Variants in ZFP37 observed in about 807,000 individuals in gnomAD.
The protein encoded by ZFP37 is ZFP37 zinc finger protein.
ZFP37 carries 38 observed loss-of-function variants against 52.1 expected under a neutral mutation model. That is an observed-to-expected ratio of 0.73 (90% CI 0.56 to 0.96). ZFP37 has a LOEUF of 0.96. Among genes scored for constraint, ZFP37 ranks in the 40% least tolerant of loss-of-function variants. ZFP37 has a pLI of 0.00. For missense variants in ZFP37, 695 were observed against 741.4 expected (o/e 0.94, Z 0.73); for synonymous variants, 253 against 259.5 (o/e 0.98, Z 0.24).
intron 1 of ZFP37, among the ~76,000 whole-genome samples, chr9:113,056,096 A>G (rs1041191460): frequency 2.7e-5 from 4 of 150,458 alleles, no homozygotes; most frequent in African/African-American, 7.4e-5. Context: ...CATCACCGTC[A>G]CTGACTCCCA....
intron 1 of ZFP37, among the ~76,000 whole-genome samples, chr9:113,053,354 TC>T (rs1424069786): frequency 2.6e-5 from 4 of 152,212 alleles, no homozygotes; most frequent in African/African-American, 9.7e-5. Flanking sequence ...TTGATTCTCT[TC>T]TTCTCCACTG....
Position 113,043,868 on chromosome 9 carries a change from G to A in ZFP37, c.750C>T (p.Asp250=), listed in dbSNP as rs148143783. ...DKCNKTGKKH[D]KLCCHSSSHI... Reference sequence around the variant, plus strand: ...GGGATGAACTATGACAGCATAATTTGTCATGTTTTTTGCCAGTTTTGTTAC... The same window carrying A: ...GGGATGAACTATGACAGCATAATTTATCATGTTTTTTGCCAGTTTTGTTAC... Residue 250 remains aspartate, a synonymous_variant, in exon 4 of 4, where the codon GAC becomes GAT. Transcript: ENST00000374227. 2.5e-6 allele frequency: 4 copies of A among 1,613,992 alleles called. No individual in the cohort carries two copies. The highest frequency in any genetic ancestry group is 2.7e-5 in the African/African-American group (2 of 75,018).
At chr9:113,047,107 TAAA>T (rs376369021) in intron 3 of ZFP37, among the ~76,000 whole-genome samples, 4 of 118,544 alleles carry the variant, frequency 3.4e-5, no homozygotes, top group Admixed American at 8.5e-5. Flanking sequence ...AGACTCCGTC[TAAA>T]AAAAAAAAAA....
Position 113,042,130 on chromosome 9 carries a change from T to C in ZFP37, c.*595A>G, listed in dbSNP as rs1828857092. 6.6e-6 allele frequency: 1 copy of C among 152,288 alleles called. No individual in the cohort carries two copies. Among genetic ancestry groups the C allele is most frequent in the African/African-American group, 2.4e-5 (1 of 41,474 alleles). 9.4% of individuals were successfully genotyped at this position (152,288 alleles called of 1,614,324 possible). On this transcript the variant is annotated 3_prime_UTR_variant, in exon 4 of 4. Transcript: ENST00000374227. ...ACCTACTTTTTCACACTTCACAATA[T>C]ATCTTGAATATCGCTCCCTACCAGC...
intron 1 of ZFP37, 21 bp downstream of exon 1, chr9:113,056,536 C>A: frequency 6.2e-7 from 1 of 1,611,860 alleles, no homozygotes; most frequent in Non-Finnish European, 8.5e-7. Flanking sequence ...CCAAAACACC[C>A]TGTCTCATCA....
intron 3 of ZFP37, among the ~76,000 whole-genome samples, chr9:113,047,954 T>C (rs146237286): frequency 1.4e-4 from 22 of 152,290 alleles, no homozygotes; most frequent in Non-Finnish European, 2.4e-4. Flanking sequence ...ATTTGCACAA[T>C]GAATAATCAA....
At position 113,039,131 on chromosome 9, in the gene ZFP37, T is replaced by A. The variant is rs1481330125; in HGVS notation, c.*3594A>T. 1 of 152,160 alleles carries A rather than the reference T, an allele frequency of 6.6e-6. No individual in the cohort carries two copies. Among genetic ancestry groups the A allele is most frequent in the Non-Finnish European group, 1.5e-5 (1 of 68,010 alleles). The allele number at this position is 152,160 out of a possible 1,614,324, so 9.4% of individuals were successfully genotyped here. A position where few individuals can be genotyped will look rare whatever the true frequency, so the allele number is the denominator to read the frequency against. On this transcript the variant is annotated 3_prime_UTR_variant, in exon 4 of 4. Coordinates refer to ENST00000374227, the MANE Select transcript of ZFP37 (RefSeq NM_003408.3). ...TATGCTATTTCTCTCTGTTCTGCAA[T>A]AAATATCATAGTACGCCTTGATTGT...
At chr9:113,054,933 C>T (rs1489842162) in intron 1 of ZFP37, among the ~76,000 whole-genome samples, 2 of 152,190 alleles carry the variant, frequency 1.3e-5, no homozygotes, top group African/African-American at 2.4e-5. Flanking sequence ...CCATGGTGAT[C>T]TTTTCAAGGT....
At position 113,038,984 on chromosome 9, in the gene ZFP37, A is replaced by C. The variant is rs1189742502; in HGVS notation, c.*3741T>G. 1 of 152,160 alleles carries C rather than the reference A, an allele frequency of 6.6e-6. No individual in the cohort carries two copies. Among genetic ancestry groups the C allele is most frequent in the Admixed American group, 6.6e-5 (1 of 15,254 alleles). The allele number at this position is 152,160 out of a possible 1,614,324, so 9.4% of individuals were successfully genotyped here. On this transcript the variant is annotated 3_prime_UTR_variant, in exon 4 of 4. Coordinates refer to ENST00000374227, the MANE Select transcript of ZFP37 (RefSeq NM_003408.3). ...TCACTCAAACACATTCCTGAGAGTA[A>C]AAGTAATAATAAAGAATTATTTGTA...
chr9:113,055,712 T>A (rs918481897), intron 1 of ZFP37, among the ~76,000 whole-genome samples: 36 of 152,068 alleles, frequency 2.4e-4, no homozygotes, highest in African/African-American at 8.5e-4. Flanking sequence ...CACAGAACAA[T>A]CATTAACCTC....
chr9:113,051,374 T>C (rs969318677), intron 1 of ZFP37, among the ~76,000 whole-genome samples: 1 of 152,176 alleles, frequency 6.6e-6, no homozygotes, highest in Non-Finnish European at 1.5e-5. Flanking sequence ...CTAATAAATA[T>C]ATTCAAACAT....
In ZFP37 at chr9:113,044,228, T is replaced by A. The variant is rs538169541; in HGVS notation, c.390A>T (p.Lys130Asn). 6.3e-7 allele frequency: 1 copy of A among 1,574,916 alleles called. No individual in the cohort carries two copies. Among genetic ancestry groups the A allele is most frequent in the Non-Finnish European group, 8.6e-7 (1 of 1,168,072 alleles). ...KDDDQLENIQKSQNKLLREVA... is the reference protein window; with the variant it reads ...KDDDQLENIQNSQNKLLREVA... The stretch of plus-strand genomic sequence containing the variant: ...CTTCCCTGAGGAGTTTGTTTTGAGA[T>A]TTCTGGATATTTTCAAGCTGGTCAT... The change falls in exon 4 of 4, where the codon AAA becomes AAT. Residue 130 changes from lysine (K) to asparagine (N), a missense_variant. Lys to Asn is a moderately conservative substitution (Grantham distance 94). Transcript: ENST00000374227.
chr9:113,049,006 G>A (rs939212661), intron 3 of ZFP37, among the ~76,000 whole-genome samples: 2 of 152,184 alleles, frequency 1.3e-5, no homozygotes, highest in African/African-American at 2.4e-5. Flanking sequence ...TGTGGCTTGA[G>A]CAAGCAATCA....
chr9:113,043,583 T>G lies in ZFP37; in HGVS notation c.1035A>C (p.Gly345=). The G allele has an allele frequency of 6.2e-7, 1 of 1,613,996 alleles. No homozygotes were observed. The highest frequency in any genetic ancestry group is 8.5e-7 in the Non-Finnish European group (1 of 1,179,928). The part of the protein sequence containing the change: ...HLVVHQRTHT[G]EKPYECIQCG... Reference sequence around the variant, plus strand: ...ACTGAATACATTCATATGGTTTTTCTCCGGTGTGAGTTCTCTGATGTACAA... The same window carrying G: ...ACTGAATACATTCATATGGTTTTTCGCCGGTGTGAGTTCTCTGATGTACAA... Residue 345 remains glycine, a synonymous_variant, in exon 4 of 4, where the codon GGA becomes GGC. Coordinates refer to ENST00000374227, the MANE Select transcript of ZFP37 (RefSeq NM_003408.3).
intron 3 of ZFP37, among the ~76,000 whole-genome samples, chr9:113,047,151 C>T (rs1464906266): frequency 2.0e-5 from 3 of 151,156 alleles, no homozygotes; most frequent in Admixed American, 2.0e-4. Context: ...AAGAGAGTCA[C>T]TGTAGCAATT....
At chr9:113,046,172 A>ATG (rs1361074388) in intron 3 of ZFP37, among the ~76,000 whole-genome samples, 17 of 149,704 alleles carry the variant, frequency 1.1e-4, no homozygotes, top group South Asian at 2.1e-4. Context: ...ATATCTATAT[A>ATG]TAGACAGATA....
intron 1 of ZFP37, among the ~76,000 whole-genome samples, chr9:113,050,948 T>G (rs1274631796): frequency 6.6e-6 from 1 of 151,618 alleles, no homozygotes; most frequent in African/African-American, 2.4e-5. Flanking sequence ...TGTAGGCATG[T>G]AAGAATGCAG....
rs147354773 is a variant in ZFP37 at position 113,049,370 on chromosome 9, G to A, written c.341C>T (p.Thr114Ile). 1 of 1,612,368 alleles carries A rather than the reference G, an allele frequency of 6.2e-7. No homozygotes were observed. The highest frequency in any genetic ancestry group is 1.3e-5 in the African/African-American group (1 of 74,820). ...TCAAAGTTACAACTTACTTCCATCA[G>A]TTTCTTTTTGCTTGGGTCTTGCTAT... ...SKIARPKQKE[T>I]DGKVQKDDDQ... is the part of the protein sequence containing the mutation. The change falls in exon 3 of 4, where the codon ACT becomes ATT. Residue 114 changes from threonine (T) to isoleucine (I), a missense_variant. By Grantham distance (89) the Thr-to-Ile change is moderately conservative. This residue lies in a region of ZFP37 where 369 missense variants were observed against 340.9 expected (regional missense o/e 1.08). Transcript: ENST00000374227.
At chr9:113,044,903 A>C (rs1828924968) in intron 3 of ZFP37, among the ~76,000 whole-genome samples, 1 of 152,098 alleles carries the variant, frequency 6.6e-6, no homozygotes, top group Non-Finnish European at 1.5e-5. Context: ...AAGCAGAGAC[A>C]TAAGAACTGC....
Sources: allele counts gnomAD v4.1 joint callset (sites outside exome capture counted in the v4.1 genomes callset), GRCh38; gene constraint gnomAD v4.1.1; regional missense constraint gnomAD v4.1.1; transcripts MANE v1.5; gene names NCBI Gene and HGNC (gene_info 2026-07-23, HGNC 2026-07-21).